Variants in FHIT observed in about 807,000 individuals in gnomAD.
FHIT encodes the protein bis(5'-adenosyl)-triphosphatase.
A neutral mutation model predicts 17.9 loss-of-function variants in FHIT; 19 were observed. That is an observed-to-expected ratio of 1.06 (90% CI 0.74 to 1.56). The LOEUF (loss-of-function observed/expected upper bound fraction) is 1.56, where lower values mean the gene tolerates loss of function less well. FHIT is among the 40% of genes most tolerant of loss of function. The pLI is 0.00. For synonymous variants in FHIT, 81 were observed against 69.7 expected (o/e 1.16, Z -0.81); for missense variants, 248 against 189.2 (o/e 1.31, Z -1.82).
intron 5 of FHIT, among the ~76,000 whole-genome samples, chr3:60,169,327 C>T (rs993014633): frequency 8.5e-5 from 13 of 152,104 alleles, no homozygotes; most frequent in African/African-American, 2.9e-4. Flanking sequence ...TGTGGTTATT[C>T]CGGGCTCCAC....
intron 8 of FHIT, among the ~76,000 whole-genome samples, chr3:59,862,399 G>T (rs1218605463): frequency 6.6e-6 from 1 of 152,214 alleles, no homozygotes; most frequent in African/African-American, 2.4e-5. Flanking sequence ...TTTGAGATGA[G>T]ATTTGGGTGG....
intron 4 of FHIT, among the ~76,000 whole-genome samples, chr3:60,595,627 A>G (rs201368898): frequency 3.4e-4 from 51 of 150,386 alleles, no homozygotes; most frequent in Non-Finnish European, 4.0e-4. Flanking sequence ...GTATGTATAT[A>G]TGTGTGTGTG....
chr3:60,019,122 G>A (rs1365255432), intron 5 of FHIT, among the ~76,000 whole-genome samples: 3 of 152,206 alleles, frequency 2.0e-5, no homozygotes, highest in African/African-American at 4.8e-5. Context: ...GGGCTCAGCT[G>A]CATCCACTAG....
chr3:60,181,951 C>T (rs780506102), intron 5 of FHIT, among the ~76,000 whole-genome samples: 28 of 152,050 alleles, frequency 1.8e-4, no homozygotes, highest in African/African-American at 6.3e-4. Flanking sequence ...AAAACAAATC[C>T]GAAATATGCA....
At chr3:61,180,250 G>A (rs949802046) in intron 2 of FHIT, among the ~76,000 whole-genome samples, 1 of 152,172 alleles carries the variant, frequency 6.6e-6, no homozygotes, top group Admixed American at 6.5e-5. Flanking sequence ...GAAAATGTTT[G>A]CTGGGATGTA....
chr3:59,893,568 G>T (rs294463), intron 8 of FHIT, among the ~76,000 whole-genome samples: 150,263 of 152,320 alleles, frequency 0.99, 74,149 homozygotes, highest in East Asian at 1. Context: ...CATTATAAGT[G>T]CGCTGAACAG....
intron 5 of FHIT, among the ~76,000 whole-genome samples, chr3:60,074,435 C>A (rs1702916531): frequency 6.6e-6 from 1 of 152,100 alleles, no homozygotes; most frequent in South Asian, 2.1e-4. Context: ...TTTTAAACTC[C>A]TTTGAAGAGC....
chr3:60,231,094 A>C (rs1269920383), intron 5 of FHIT, among the ~76,000 whole-genome samples: 1 of 152,224 alleles, frequency 6.6e-6, no homozygotes, highest in African/African-American at 2.4e-5. Flanking sequence ...GTTTGGTCAA[A>C]TACGCCAATA....
At chr3:60,087,926 G>C (rs6801817) in intron 5 of FHIT, among the ~76,000 whole-genome samples, 1 of 151,772 alleles carries the variant, frequency 6.6e-6, no homozygotes, top group African/African-American at 2.4e-5. Context: ...ATTTTGTATC[G>C]CTACAAAGGT....
chr3:60,639,005 T>C (rs199703804), intron 4 of FHIT, among the ~76,000 whole-genome samples: 26 of 136,858 alleles, frequency 1.9e-4, no homozygotes, highest in Admixed American at 1.3e-3. Context: ...GATGCATAAA[T>C]TAAAAAAAAA....
At chr3:60,520,313 G>A (rs985201627) in intron 5 of FHIT, among the ~76,000 whole-genome samples, 1 of 151,720 alleles carries the variant, frequency 6.6e-6, no homozygotes, top group Non-Finnish European at 1.5e-5. Flanking sequence ...CACAGAAGTG[G>A]ACCCACACAT....
chr3:60,178,305 A>T (rs544001404), intron 5 of FHIT, among the ~76,000 whole-genome samples: 1 of 152,202 alleles, frequency 6.6e-6, no homozygotes, highest in African/African-American at 2.4e-5. Context: ...AGCGCAGATA[A>T]GGCAGACACA....
intron 4 of FHIT, among the ~76,000 whole-genome samples, chr3:60,601,787 T>A (rs542967715): frequency 6.6e-6 from 1 of 152,038 alleles, no homozygotes; most frequent in African/African-American, 2.4e-5. Context: ...TTAAGGAAAC[T>A]AAAAAGAATC....
At chr3:60,029,382 C>T (rs1700887314) in intron 5 of FHIT, among the ~76,000 whole-genome samples, 1 of 151,998 alleles carries the variant, frequency 6.6e-6, no homozygotes, top group Non-Finnish European at 1.5e-5. Flanking sequence ...GGTAACAGGC[C>T]ACAAATTTAA....
At chr3:60,419,407 G>T (rs927335214) in intron 5 of FHIT, among the ~76,000 whole-genome samples, 9 of 152,264 alleles carry the variant, frequency 5.9e-5, no homozygotes, top group African/African-American at 1.9e-4. Context: ...TTAAACAAGG[G>T]CAAGAGTTGG....
At chr3:60,815,916 GT>G (rs1466313179) in intron 4 of FHIT, among the ~76,000 whole-genome samples, 2 of 151,964 alleles carry the variant, frequency 1.3e-5, no homozygotes, top group Non-Finnish European at 2.9e-5. Flanking sequence ...TTTTAGCAGT[GT>G]TTTGTGGTTC....
At chr3:60,720,632 T>G (rs782569463) in intron 4 of FHIT, among the ~76,000 whole-genome samples, 1 of 152,180 alleles carries the variant, frequency 6.6e-6, no homozygotes, top group Non-Finnish European at 1.5e-5. Flanking sequence ...GCAGACCAAT[T>G]AAGTCAGAAT....
Position 60,014,019 on chromosome 3 carries a change from G to C in FHIT, c.237C>G (p.Thr79=), listed in dbSNP as rs770919738. 2 of 1,614,020 alleles carry C rather than the reference G, an allele frequency of 1.2e-6. No individual in the cohort carries two copies. Among genetic ancestry groups the C allele is most frequent in the Admixed American group, 1.7e-5 (1 of 60,014 alleles). The part of the protein sequence containing the change: ...VEKHFHGTSL[T]FSMQDGPEAG... ...TCTGTACACTCACCTGCATGGAAAAGGTGAGAGAGGTCCCATGGAAATGTT... is the reference window on the plus strand; with the variant it reads ...TCTGTACACTCACCTGCATGGAAAACGTGAGAGAGGTCCCATGGAAATGTT... Residue 79 remains threonine, a synonymous_variant, in exon 6 of 10, where the codon ACC becomes ACG. Transcript: ENST00000492590.
chr3:60,001,344 T>G (rs894509970), intron 7 of FHIT, among the ~76,000 whole-genome samples: 9 of 152,164 alleles, frequency 5.9e-5, no homozygotes, highest in African/African-American at 2.2e-4. Flanking sequence ...CATTATGGTG[T>G]TCATTTCAAA....
Sources: gnomAD v4.1 joint callset for allele counts (sites outside exome capture counted in the v4.1 genomes callset) on GRCh38, gnomAD v4.1.1 for gene constraint, MANE v1.5 for transcripts, NCBI Gene and HGNC (gene_info 2026-07-23, HGNC 2026-07-21) for gene names.